Variants in ENTREP2 observed in about 807,000 individuals in gnomAD.
The protein encoded by ENTREP2 is endosomal transmembrane epsin interactor 2, also known as protein ENTREP2.
chr15:29,647,467 T>A, the ENTREP2 span, among the ~76,000 whole-genome samples: 116 of 152,316 alleles, frequency 7.6e-4, no homozygotes, highest in Non-Finnish European at 1.4e-3. Context: ...CCCACTCTAA[T>A]GCTATTCTAT....
At chr15:29,601,757 C>A in the ENTREP2 span, among the ~76,000 whole-genome samples, 8 of 152,172 alleles carry the variant, frequency 5.3e-5, no homozygotes, top group Non-Finnish European at 8.8e-5. Context: ...TTATAAAATG[C>A]CACCTGGGTT....
chr15:29,258,597 C>T, the ENTREP2 span, among the ~76,000 whole-genome samples: 1 of 152,024 alleles, frequency 6.6e-6, no homozygotes, highest in South Asian at 2.1e-4. Context: ...ATGAAGTTTA[C>T]CTTTATTCCC....
chr15:29,587,934 C>T, the ENTREP2 span, among the ~76,000 whole-genome samples: 1 of 152,198 alleles, frequency 6.6e-6, no homozygotes, highest in Non-Finnish European at 1.5e-5. Flanking sequence ...GCTGGAATTA[C>T]AGGTGTGAGC....
the ENTREP2 span, chr15:29,123,233 C>A: frequency 8.1e-7 from 1 of 1,235,294 alleles, no homozygotes; most frequent in Non-Finnish European, 1.1e-6. Flanking sequence ...CCACATTTAT[C>A]CTCCGCCAAG....
chr15:29,141,559 G>T, the ENTREP2 span, among the ~76,000 whole-genome samples: 1 of 152,150 alleles, frequency 6.6e-6, no homozygotes, highest in Non-Finnish European at 1.5e-5. Context: ...TCCCAGCCGG[G>T]TCTGCTCACC....
the ENTREP2 span, among the ~76,000 whole-genome samples, chr15:29,318,212 T>A: frequency 0.19 from 28,753 of 152,254 alleles, 4,668 homozygotes; most frequent in African/African-American, 0.45. Context: ...CCCTGCAAGG[T>A]GCAAGTCTAT....
the ENTREP2 span, among the ~76,000 whole-genome samples, chr15:29,632,942 T>C: frequency 2.9e-4 from 44 of 152,290 alleles, no homozygotes; most frequent in African/African-American, 8.9e-4. Context: ...GACCAGCCAC[T>C]CTCCACTGTG....
At chr15:29,212,254 T>G in the ENTREP2 span, among the ~76,000 whole-genome samples, 2 of 152,202 alleles carry the variant, frequency 1.3e-5, no homozygotes, top group African/African-American at 4.8e-5. Context: ...GTTTTCTAGT[T>G]TATGTGTGTA....
At chr15:29,543,479 T>TA in the ENTREP2 span, among the ~76,000 whole-genome samples, 5 of 152,204 alleles carry the variant, frequency 3.3e-5, no homozygotes, top group Non-Finnish European at 5.9e-5. Context: ...ACCTCAGGCT[T>TA]AAAAAAAGAC....
chr15:29,526,062 G>A, the ENTREP2 span, among the ~76,000 whole-genome samples: 3 of 152,154 alleles, frequency 2.0e-5, no homozygotes, highest in African/African-American at 7.2e-5. Context: ...GATTTAATAT[G>A]CTATGGCAGG....
the ENTREP2 span, among the ~76,000 whole-genome samples, chr15:29,662,211 C>CAAAAAA: frequency 1.5e-4 from 7 of 46,944 alleles, no homozygotes; most frequent in Non-Finnish European, 2.1e-4. Context: ...AACCCTGTCG[C>CAAAAAA]AAAAAAAAAA....
the ENTREP2 span, among the ~76,000 whole-genome samples, chr15:29,602,794 A>T: frequency 6.6e-6 from 1 of 152,172 alleles, no homozygotes; most frequent in Non-Finnish European, 1.5e-5. Flanking sequence ...TCTGACAGAG[A>T]ATGCTGGCTG....
At chr15:29,495,865 C>T in the ENTREP2 span, among the ~76,000 whole-genome samples, 12 of 151,950 alleles carry the variant, frequency 7.9e-5, no homozygotes, top group Non-Finnish European at 1.3e-4. Context: ...TTTGTTCTTC[C>T]TGTTAAAAAT....
chr15:29,161,223 C>A, the ENTREP2 span, among the ~76,000 whole-genome samples: 20 of 152,142 alleles, frequency 1.3e-4, no homozygotes, highest in African/African-American at 3.9e-4. Flanking sequence ...CACCAAGAAA[C>A]CTTGAGGAAG....
chr15:29,601,233 C>G, the ENTREP2 span, among the ~76,000 whole-genome samples: 1 of 152,084 alleles, frequency 6.6e-6, no homozygotes, highest in Non-Finnish European at 1.5e-5. Context: ...CTTGTAAAAA[C>G]ATTAAAATCT....
the ENTREP2 span, among the ~76,000 whole-genome samples, chr15:29,326,286 T>G: frequency 2.6e-5 from 4 of 152,168 alleles, no homozygotes; most frequent in Non-Finnish European, 4.4e-5. Flanking sequence ...GAAATAAAAC[T>G]GTCTTTGTTC....
At chr15:29,464,288 G>A in the ENTREP2 span, among the ~76,000 whole-genome samples, 2 of 151,934 alleles carry the variant, frequency 1.3e-5, no homozygotes, top group Non-Finnish European at 2.9e-5. Context: ...AAGAAGGACA[G>A]CTGAGAAACG....
chr15:29,632,083 C>A, the ENTREP2 span, among the ~76,000 whole-genome samples: 1 of 152,230 alleles, frequency 6.6e-6, no homozygotes, highest in South Asian at 2.1e-4. Flanking sequence ...TTTCTTCAAG[C>A]TTTATTTTCC....
At chr15:29,275,303 AAATC>A in the ENTREP2 span, among the ~76,000 whole-genome samples, 6 of 152,230 alleles carry the variant, frequency 3.9e-5, no homozygotes, top group African/African-American at 1.4e-4. Context: ...TTAAAAATAA[AAATC>A]AACCCTGATT....
Sources: gnomAD v4.1 joint callset for allele counts (sites outside exome capture counted in the v4.1 genomes callset) on GRCh38, gnomAD v4.1.1 for gene constraint, MANE v1.5 for transcripts, NCBI Gene and HGNC (gene_info 2026-07-23, HGNC 2026-07-21) for gene names.